The following NDC1 variants were observed in gnomAD, a reference collection of about 807,000 sequenced individuals.
NDC1 encodes NDC1 transmembrane nucleoporin.
In NDC1, 24 loss-of-function variants were observed where a neutral mutation model predicts 89.8. That is an observed-to-expected ratio of 0.27 (90% confidence interval 0.19 to 0.38). NDC1 has a LOEUF of 0.38. NDC1 is among the 10% of genes least tolerant of loss of function. The pLI is 1.00. For synonymous variants in NDC1, 296 were observed against 284.8 expected (o/e 1.04, Z -0.39); for missense variants, 728 against 797.6 (o/e 0.91, Z 1.05).
At chr1:53,770,384 G>T (rs1647101760) in intron 17 of NDC1, among the ~76,000 whole-genome samples, 1 of 152,044 alleles carries the variant, frequency 6.6e-6, no homozygotes, top group Non-Finnish European at 1.5e-5. Context: ...TCGGCTCACT[G>T]CAACCTCCAC....
intron 11 of NDC1, 98 bp downstream of exon 11, chr1:53,800,595 G>A (rs1480015256): frequency 2.2e-6 from 3 of 1,353,808 alleles, no homozygotes; most frequent in East Asian, 2.3e-5. Context: ...AAAGTGCGGG[G>A]ATAACAGGCG....
chr1:53,802,812 T>C (rs1373095759), intron 10 of NDC1, among the ~76,000 whole-genome samples: 1 of 152,184 alleles, frequency 6.6e-6, no homozygotes, highest in Non-Finnish European at 1.5e-5. Context: ...CAGTATACAC[T>C]GTAAGTGTTT....
At chr1:53,832,872 G>A (rs1156984905) in intron 2 of NDC1, among the ~76,000 whole-genome samples, 1 of 152,138 alleles carries the variant, frequency 6.6e-6, no homozygotes, top group African/African-American at 2.4e-5. Flanking sequence ...ATAGCCAGGT[G>A]TGGTGGTGCA....
intron 16 of NDC1, among the ~76,000 whole-genome samples, chr1:53,772,745 C>G (rs544222646): frequency 6.7e-6 from 1 of 148,172 alleles, no homozygotes; most frequent in African/African-American, 2.5e-5. Context: ...CATAATATAA[C>G]ATAAAATAAA....
At chr1:53,820,425 T>A (rs546776855) in intron 5 of NDC1, among the ~76,000 whole-genome samples, 1 of 151,916 alleles carries the variant, frequency 6.6e-6, no homozygotes, top group African/African-American at 2.4e-5. Context: ...TTAGGAGATA[T>A]ACCTAATGTT....
chr1:53,775,002 T>C (rs1647150069), intron 16 of NDC1, among the ~76,000 whole-genome samples: 1 of 152,208 alleles, frequency 6.6e-6, no homozygotes, highest in South Asian at 2.1e-4. Context: ...ACACCTGAAA[T>C]AAGCAATGTC....
chr1:53,837,444 G>T (rs1649271182), intron 1 of NDC1, among the ~76,000 whole-genome samples: 1 of 152,084 alleles, frequency 6.6e-6, no homozygotes, highest in South Asian at 2.1e-4. Context: ...GTAGTGGTGC[G>T]TATCTATAAT....
At chr1:53,837,344 G>A (rs1285511672) in intron 1 of NDC1, among the ~76,000 whole-genome samples, 1 of 152,206 alleles carries the variant, frequency 6.6e-6, no homozygotes, top group Non-Finnish European at 1.5e-5. Context: ...AGACCGAGGC[G>A]GATGACTCAC....
chr1:53,814,242 C>T (rs539880858), intron 6 of NDC1, among the ~76,000 whole-genome samples: 1 of 152,232 alleles, frequency 6.6e-6, no homozygotes, highest in East Asian at 1.9e-4. Flanking sequence ...GTAGTTCCAG[C>T]TACTCAGGAG....
chr1:53,783,889 T>C (rs1208079125), intron 16 of NDC1, among the ~76,000 whole-genome samples: 2 of 152,192 alleles, frequency 1.3e-5, no homozygotes, highest in Non-Finnish European at 2.9e-5. Context: ...TGTGGTATTC[T>C]GTTAGAGCAG....
intron 3 of NDC1, among the ~76,000 whole-genome samples, chr1:53,831,761 C>T (rs1260104324): frequency 1.3e-5 from 2 of 151,670 alleles, no homozygotes; most frequent in Non-Finnish European, 2.9e-5. Context: ...TGTGAATCTG[C>T]CACAACTTGT....
chr1:53,830,829 T>C (rs1649038038), intron 3 of NDC1, among the ~76,000 whole-genome samples: 1 of 151,190 alleles, frequency 6.6e-6, no homozygotes, highest in Non-Finnish European at 1.5e-5. Context: ...GCCATTGCAC[T>C]CCAGCCTGGG....
Position 53,768,021 on chromosome 1 carries a change from T to C in NDC1, c.1974A>G (p.Ala658=). 6.2e-7 allele frequency: 1 copy of C among 1,606,306 alleles called. No individual in the cohort carries two copies. Among genetic ancestry groups the C allele is most frequent in the Non-Finnish European group, 8.5e-7 (1 of 1,176,278 alleles). Residue 658 remains alanine (A), a synonymous_variant, in exon 18 of 18, where the codon GCA becomes GCG. Coordinates refer to ENST00000371429, the MANE Select transcript of NDC1 (RefSeq NM_018087.5). Reference sequence around the variant, plus strand: ...GAAGTCTTTTCTGATGTTCTGCAGATGCTTGCACAGCACTAAATGAAACAT... The same window carrying C: ...GAAGTCTTTTCTGATGTTCTGCAGACGCTTGCACAGCACTAAATGAAACAT... The part of the protein sequence containing the change: ...TFGEHLNAVQ[A]SAEHQKRLQQ...
At chr1:53,813,612 G>A (rs1648384148) in intron 6 of NDC1, among the ~76,000 whole-genome samples, 1 of 151,930 alleles carries the variant, frequency 6.6e-6, no homozygotes, top group Non-Finnish European at 1.5e-5. Context: ...TCTAACATTG[G>A]AGCTCCCAAA....
At chr1:53,811,501 C>T (rs1269853695) in intron 6 of NDC1, among the ~76,000 whole-genome samples, 4 of 152,124 alleles carry the variant, frequency 2.6e-5, no homozygotes, top group African/African-American at 9.7e-5. Flanking sequence ...CCACTTTCCC[C>T]CACTTCCCTG....
intron 2 of NDC1, among the ~76,000 whole-genome samples, chr1:53,833,020 A>AG (rs1002590427): frequency 3.3e-5 from 5 of 152,012 alleles, no homozygotes; most frequent in African/African-American, 7.2e-5. Flanking sequence ...TCAAAAACAA[A>AG]GGGGGGGAGA....
intron 6 of NDC1, among the ~76,000 whole-genome samples, chr1:53,816,759 A>C (rs1382460363): frequency 3.9e-5 from 6 of 152,200 alleles, no homozygotes. Context: ...AACTCAAACA[A>C]ATCAGTAAGA....
At chr1:53,809,555 T>C (rs1273049545) in intron 7 of NDC1, 140 bp downstream of exon 7, 1 of 589,162 alleles carries the variant, frequency 1.7e-6, no homozygotes, top group Non-Finnish European at 3.0e-6. Flanking sequence ...TTTTAAACCA[T>C]ATAAACTATA....
At position 53,835,413 on chromosome 1, in the gene NDC1, T is replaced by C. The variant is rs914297375; in HGVS notation, c.178+87A>G. The C allele has an allele frequency of 8.0e-5, 87 of 1,080,760 alleles. 1 individual carries two copies. The highest frequency in any genetic ancestry group is 8.0e-4 in the South Asian group (45 of 56,584). The allele number at this position is 1,080,760 out of a possible 1,614,324, so 66.9% of individuals were successfully genotyped here. ...TGTGTCAATATAACATAGGCAGTAA[T>C]TGAAAATAAACTGCTTGAAACATAA... On this transcript the variant is annotated intron_variant, in intron 2 of 17. Transcript: ENST00000371429.
Sources: allele counts gnomAD v4.1 joint callset (sites outside exome capture counted in the v4.1 genomes callset), GRCh38; gene constraint gnomAD v4.1.1; transcripts MANE v1.5; gene names NCBI Gene and HGNC (gene_info 2026-07-23, HGNC 2026-07-21).